Variants in XKR6 observed in about 807,000 individuals in gnomAD.
XKR6 encodes XK-related protein 6.
XKR6 carries 22 observed loss-of-function variants against 56.7 expected under a neutral mutation model. The observed-to-expected ratio is 0.39, with a 90% CI of 0.28 to 0.55. The LOEUF (loss-of-function observed/expected upper bound fraction) is 0.55, where lower values mean the gene tolerates loss of function less well. XKR6 is among the 20% of genes least tolerant of loss of function. XKR6 has a pLI of 0.66. For synonymous variants in XKR6, 524 were observed against 387.8 expected, an observed-to-expected ratio of 1.35 and a Z score of -4.13; for missense variants, 852 against 889.0, an observed-to-expected ratio of 0.96 and a Z score of 0.53.
intron 1 of XKR6, among the ~76,000 whole-genome samples, chr8:10,945,999 G>A (rs1322079162): frequency 1.3e-5 from 2 of 152,056 alleles, no homozygotes; most frequent in African/African-American, 4.8e-5. Context: ...TTCCAACCAA[G>A]CAAGACAAGC....
rs146795831 is a variant in XKR6 at position 11,032,262 on chromosome 8, A to T, written c.765-107432T>A. Among the ~76,000 whole-genome samples the T allele has an allele frequency of 4.3e-4, 65 of 152,374 alleles. No individual in the cohort carries two copies. The East Asian group carries it at 0.012, about 28-fold the overall frequency. ...CCTCCAGAAAAAGCAAAGGAAAACA[A>T]CATCTTGGTGGGTTTTTCCAGGGGA... On this transcript the variant is annotated intron_variant, in intron 1 of 2. Transcript: ENST00000416569.
intron 1 of XKR6, among the ~76,000 whole-genome samples, chr8:11,036,453 A>C (rs554580090): frequency 6.6e-6 from 1 of 152,334 alleles, no homozygotes; most frequent in African/African-American, 2.4e-5. Flanking sequence ...GAATCTTGCT[A>C]CCGGCAGCAT....
intron 1 of XKR6, among the ~76,000 whole-genome samples, chr8:10,957,626 T>C (rs1388136894): frequency 1.3e-5 from 2 of 152,190 alleles, no homozygotes; most frequent in Non-Finnish European, 2.9e-5. Flanking sequence ...GCAGGGCAGA[T>C]GGAGCTTCCG....
chr8:11,127,084 A>G (rs1019581047), intron 1 of XKR6, among the ~76,000 whole-genome samples: 19 of 152,206 alleles, frequency 1.2e-4, no homozygotes, highest in Non-Finnish European at 2.6e-4. Context: ...GTAGAGTACT[A>G]AGGGTACTCT....
chr8:11,037,770 T>C (rs977154971), intron 1 of XKR6, among the ~76,000 whole-genome samples: 1 of 151,424 alleles, frequency 6.6e-6, no homozygotes, highest in Non-Finnish European at 1.5e-5. Context: ...AGGCAGGAGA[T>C]TCGTTTGAAC....
At chr8:11,018,042 C>T (rs1798666031) in intron 1 of XKR6, among the ~76,000 whole-genome samples, 2 of 152,146 alleles carry the variant, frequency 1.3e-5, no homozygotes, top group African/African-American at 4.8e-5. Flanking sequence ...TGGGCGTGGA[C>T]TTCAAACCTA....
intron 1 of XKR6, among the ~76,000 whole-genome samples, chr8:10,967,206 G>C (rs998345856): frequency 6.6e-6 from 1 of 152,170 alleles, no homozygotes; most frequent in African/African-American, 2.4e-5. Flanking sequence ...ATCTTCTCTG[G>C]GGCTCAGTTT....
At position 11,120,724 on chromosome 8, in the gene XKR6, G is replaced by A. The variant is rs969864648; in HGVS notation, c.764+79852C>T. 1.5e-4 allele frequency among the ~76,000 whole-genome samples: 23 copies of A among 152,200 alleles called. 1 individual carries two copies. The highest frequency in any genetic ancestry group is 2.5e-4 in the Non-Finnish European group (17 of 68,018). On this transcript the variant is annotated intron_variant, in intron 1 of 2. Transcript: ENST00000416569. The stretch of plus-strand genomic sequence containing the variant: ...ATGGAACCAAAAAAGAGCCCGCATC[G>A]CCAAGTCAATCCTAAGCAAAAAGAA...
chr8:11,195,763 C>T (rs1440196860), intron 1 of XKR6, among the ~76,000 whole-genome samples: 1 of 151,864 alleles, frequency 6.6e-6, no homozygotes, highest in Non-Finnish European at 1.5e-5. Flanking sequence ...ATTCTCCTGC[C>T]TCGGCCTCCT....
intron 1 of XKR6, among the ~76,000 whole-genome samples, chr8:11,117,569 A>C (rs1799242585): frequency 1.3e-5 from 2 of 152,342 alleles, no homozygotes; most frequent in South Asian, 4.1e-4. Context: ...TGTCACATTT[A>C]ATCTGAAAAT....
At chr8:11,041,027 T>A (rs910997939) in intron 1 of XKR6, among the ~76,000 whole-genome samples, 1 of 151,906 alleles carries the variant, frequency 6.6e-6, no homozygotes, top group Non-Finnish European at 1.5e-5. Flanking sequence ...CTAGGGGCAA[T>A]GTGGACCTTA....
intron 1 of XKR6, among the ~76,000 whole-genome samples, chr8:11,010,942 C>A (rs1303200070): frequency 1.5e-4 from 23 of 152,180 alleles, no homozygotes; most frequent in Admixed American, 1.5e-3. Context: ...GTCAACTGTG[C>A]CCAGGGCCAG....
intron 1 of XKR6, among the ~76,000 whole-genome samples, chr8:11,090,988 G>A (rs909830349): frequency 3.3e-5 from 5 of 152,220 alleles, no homozygotes; most frequent in Middle Eastern, 3.4e-3. Flanking sequence ...GGCACAACTC[G>A]AGCCCAGGTC....
At chr8:10,911,533 G>C (rs998774567) in intron 2 of XKR6, among the ~76,000 whole-genome samples, 2 of 147,372 alleles carry the variant, frequency 1.4e-5, no homozygotes, top group African/African-American at 5.0e-5. Flanking sequence ...GAAAGAGAGG[G>C]GGTGAATATA....
intron 1 of XKR6, among the ~76,000 whole-genome samples, chr8:10,977,368 G>A (rs896419376): frequency 1.1e-4 from 16 of 152,014 alleles, no homozygotes; most frequent in Non-Finnish European, 8.8e-5. Context: ...TACATGTGGA[G>A]AATGACAAAT....
Position 11,106,862 on chromosome 8 carries a change from A to T in XKR6, c.764+93714T>A, listed in dbSNP as rs564790996. Among the ~76,000 whole-genome samples, 77 of 149,978 alleles carry T rather than the reference A, an allele frequency of 5.1e-4. 4 individuals are homozygous for T. The highest frequency in any genetic ancestry group is 3.4e-3 in the Middle Eastern group (1 of 294). On this transcript the variant is annotated intron_variant, in intron 1 of 2. Transcript: ENST00000416569. Reference sequence around the variant, plus strand: ...TGAGACTTCATCTCAAAAAAAAAAAAAAATAAAAAAGATACAACGTTACAA... The same window carrying T: ...TGAGACTTCATCTCAAAAAAAAAAATAAATAAAAAAGATACAACGTTACAA...
chr8:11,169,676 A>G (rs1040575041), intron 1 of XKR6, among the ~76,000 whole-genome samples: 12 of 152,050 alleles, frequency 7.9e-5, no homozygotes, highest in Non-Finnish European at 1.0e-4. Context: ...AGTTTCTGCT[A>G]GGGATGAAGA....
chr8:11,060,869 G>T (rs1262445333), intron 1 of XKR6, among the ~76,000 whole-genome samples: 1 of 152,202 alleles, frequency 6.6e-6, no homozygotes, highest in East Asian at 1.9e-4. Context: ...TGCCATAAGG[G>T]AAATACCTCT....
At chr8:10,993,917 T>A (rs1798051012) in intron 1 of XKR6, among the ~76,000 whole-genome samples, 1 of 151,986 alleles carries the variant, frequency 6.6e-6, no homozygotes, top group African/African-American at 2.4e-5. Context: ...GGGCCTGGAG[T>A]GAATTCTGCA....
Sources: gnomAD v4.1 joint callset for allele counts (sites outside exome capture counted in the v4.1 genomes callset) on GRCh38, gnomAD v4.1.1 for gene constraint, MANE v1.5 for transcripts, NCBI Gene and HGNC (gene_info 2026-07-23, HGNC 2026-07-21) for gene names.